The following LOXL2 variants were observed in gnomAD, a reference collection of about 807,000 sequenced individuals.
The protein encoded by LOXL2 is lysyl oxidase like 2, also known as lysyl oxidase homolog 2.
LOXL2 carries 70 observed loss-of-function variants against 93.0 expected under a neutral mutation model. That is an observed-to-expected ratio of 0.75 (90% CI 0.62 to 0.92). The LOEUF (loss-of-function observed/expected upper bound fraction) is 0.92, where lower values mean the gene tolerates loss of function less well. LOXL2 is among the 40% of genes least tolerant of loss of function. The probability of loss-of-function intolerance (pLI) is 0.00; values close to 1 mark genes in which losing one functional copy is unlikely to be tolerated. For missense variants in LOXL2, 973 were observed against 1,054.9 expected (o/e 0.92, Z 1.08); for synonymous variants, 438 against 413.2 (o/e 1.06, Z -0.73).
chr8:23,355,052 G>A (rs895233440), intron 3 of LOXL2, among the ~76,000 whole-genome samples: 2 of 146,464 alleles, frequency 1.4e-5, no homozygotes, highest in Non-Finnish European at 3.0e-5. Context: ...TCCCTCTCCC[G>A]GGTTCAACCT....
rs564489184 is a variant in LOXL2 at position 23,357,580 on chromosome 8, C to G, written c.531+2510G>C. Among the ~76,000 whole-genome samples the G allele has an allele frequency of 2.0e-5, 3 of 151,134 alleles. 1 individual carries two copies. The South Asian group carries it at 6.2e-4, about 31-fold the overall frequency. The stretch of plus-strand genomic sequence containing the variant: ...TTTTTCCAAAATCATTTTTTTTTTC[C>G]TAATGGCAGATGAGCCTTCTCATCA... On this transcript the variant is annotated intron_variant, in intron 3 of 13. Coordinates refer to ENST00000389131, the MANE Select transcript of LOXL2 (RefSeq NM_002318.3).
chr8:23,349,091 C>G (rs1804046922), intron 3 of LOXL2, among the ~76,000 whole-genome samples: 1 of 152,126 alleles, frequency 6.6e-6, no homozygotes, highest in Admixed American at 6.5e-5. Flanking sequence ...CACTCATGCG[C>G]CCATTAAGCC....
chr8:23,357,516 G>GTAATC (rs772840107), intron 3 of LOXL2, among the ~76,000 whole-genome samples: 432 of 152,226 alleles, frequency 2.8e-3, no homozygotes, highest in African/African-American at 7.0e-3. Flanking sequence ...AATTGTTTGG[G>GTAATC]TAATCTAATC....
chr8:23,373,650 C>T (rs1202996749), intron 1 of LOXL2, among the ~76,000 whole-genome samples: 1 of 152,190 alleles, frequency 6.6e-6, no homozygotes, highest in Non-Finnish European at 1.5e-5. Flanking sequence ...GTTCTCAACG[C>T]TCTAGTGTTT....
At chr8:23,401,212 T>TG (rs1192615398) in intron 1 of LOXL2, among the ~76,000 whole-genome samples, 1 of 152,196 alleles carries the variant, frequency 6.6e-6, no homozygotes, top group African/African-American at 2.4e-5. Flanking sequence ...AGTGGGACCT[T>TG]GTAAGAATCA....
intron 11 of LOXL2, among the ~76,000 whole-genome samples, chr8:23,302,662 C>G (rs1184912373): frequency 6.6e-6 from 1 of 152,164 alleles, no homozygotes; most frequent in Non-Finnish European, 1.5e-5. Context: ...CAATGAATAA[C>G]AAATTAAACA....
chr8:23,357,377 G>C (rs1201742067), intron 3 of LOXL2, among the ~76,000 whole-genome samples: 1 of 152,146 alleles, frequency 6.6e-6, no homozygotes, highest in African/African-American at 2.4e-5. Flanking sequence ...GCCTTTTTCA[G>C]TCTTTTCTGT....
chr8:23,375,788 T>G (rs1005290060), intron 1 of LOXL2, among the ~76,000 whole-genome samples: 5 of 152,236 alleles, frequency 3.3e-5, no homozygotes, highest in Non-Finnish European at 7.3e-5. Context: ...ACACTGATTT[T>G]GTATCCTGAG....
rs7846433 is a variant in LOXL2 at position 23,296,931 on chromosome 8, G to T, written c.*1112C>A. Among the ~76,000 whole-genome samples the T allele has an allele frequency of 0.023, 3,565 of 152,322 alleles. 61 individuals are homozygous for T. Among genetic ancestry groups the T allele is most frequent in the African/African-American group, 0.041 (1,699 of 41,564 alleles). On this transcript the variant is annotated 3_prime_UTR_variant, in exon 14 of 14. Coordinates refer to ENST00000389131, the MANE Select transcript of LOXL2 (RefSeq NM_002318.3). ...GTAAAAACCACAGGAGTTCAAGAAA[G>T]ATTATGACTCCTGTTCCGTTACTTT...
At position 23,299,032 on chromosome 8, in the gene LOXL2, T is replaced by A. The variant is rs1803084383; in HGVS notation, c.2134-85A>T. The A allele has an allele frequency of 3.7e-6, 3 of 803,574 alleles. No individual in the cohort carries two copies. The Admixed American group carries it at 5.5e-5, about 15-fold the overall frequency. The allele number at this position is 803,574 out of a possible 1,614,324, so 49.8% of individuals were successfully genotyped here. A position where few individuals can be genotyped will look rare whatever the true frequency, so the allele number is the denominator to read the frequency against. On this transcript the variant is annotated intron_variant, in intron 12 of 13. Transcript: ENST00000389131. ...CCTGGGGCTCTGAGAGACCAGCACC[T>A]CAGGGAAGGGGAGCGTGGCAGGTGC...
At chr8:23,304,010 C>T (rs573055430) in intron 10 of LOXL2, among the ~76,000 whole-genome samples, 1 of 152,314 alleles carries the variant, frequency 6.6e-6, no homozygotes, top group Non-Finnish European at 1.5e-5. Context: ...CGCCTCTGGC[C>T]CTGGGAGGTG....
At position 23,391,176 on chromosome 8, in the gene LOXL2, C is replaced by T. The variant is rs142304329; in HGVS notation, c.-84+12778G>A. Among the ~76,000 whole-genome samples, 421 of 152,158 alleles carry T rather than the reference C, an allele frequency of 2.8e-3. 1 individual carries two copies. Among genetic ancestry groups the T allele is most frequent in the African/African-American group, 8.4e-3 (349 of 41,492 alleles). On this transcript the variant is annotated intron_variant, in intron 1 of 13. Coordinates refer to ENST00000389131, the MANE Select transcript of LOXL2 (RefSeq NM_002318.3). ...TACAATTTAAGATAAGATTTGGGTG[C>T]GGATACAGCCAAATCATATCAATGC...
intron 1 of LOXL2, among the ~76,000 whole-genome samples, chr8:23,371,796 G>C (rs987634495): frequency 1.4e-5 from 2 of 144,506 alleles, no homozygotes; most frequent in Non-Finnish European, 3.0e-5. Context: ...TGCATGGCAA[G>C]CGCAGCACGA....
chr8:23,312,914 C>T (rs1344018262), intron 9 of LOXL2, among the ~76,000 whole-genome samples: 4 of 134,000 alleles, frequency 3.0e-5, no homozygotes, highest in East Asian at 2.1e-4. Context: ...TTGTCTCAGC[C>T]CAAAATCTCC....
intron 1 of LOXL2, among the ~76,000 whole-genome samples, chr8:23,387,032 T>C (rs981307599): frequency 1.3e-5 from 2 of 152,148 alleles, no homozygotes; most frequent in Non-Finnish European, 2.9e-5. Flanking sequence ...ATTCACACAG[T>C]TGAGCCCAGG....
At chr8:23,374,688 C>G (rs1379555359) in intron 1 of LOXL2, among the ~76,000 whole-genome samples, 1 of 152,206 alleles carries the variant, frequency 6.6e-6, no homozygotes. Flanking sequence ...ATTTGCATTT[C>G]TCTGATGGCC....
At chr8:23,357,713 G>A (rs543644071) in intron 3 of LOXL2, among the ~76,000 whole-genome samples, 1 of 151,928 alleles carries the variant, frequency 6.6e-6, no homozygotes, top group African/African-American at 2.4e-5. Flanking sequence ...GTCTTCACTG[G>A]ACACTCCAAG....
intron 3 of LOXL2, among the ~76,000 whole-genome samples, chr8:23,348,122 T>C (rs1456482598): frequency 6.6e-6 from 1 of 152,048 alleles, no homozygotes; most frequent in Non-Finnish European, 1.5e-5. Flanking sequence ...TGGATGAAGC[T>C]GGAAACCATC....
chr8:23,374,651 G>A (rs1442077327), intron 1 of LOXL2, among the ~76,000 whole-genome samples: 1 of 152,222 alleles, frequency 6.6e-6, no homozygotes, highest in Non-Finnish European at 1.5e-5. Context: ...TCTAACTGGT[G>A]TGAGATGGTA....
Sources: gnomAD v4.1 joint callset for allele counts (sites outside exome capture counted in the v4.1 genomes callset) on GRCh38, gnomAD v4.1.1 for gene constraint, MANE v1.5 for transcripts, NCBI Gene and HGNC (gene_info 2026-07-23, HGNC 2026-07-21) for gene names.